Variants in DPP10 observed in about 807,000 individuals in gnomAD.
DPP10 encodes inactive dipeptidyl peptidase 10.
Under a neutral mutation model 120.9 loss-of-function variants are expected in DPP10, and 33 were observed. The ratio of observed to expected loss-of-function variants is 0.27; its 90% confidence interval spans 0.21 to 0.37. DPP10 has a LOEUF of 0.37. Among genes scored for constraint, DPP10 ranks in the 10% least tolerant of loss-of-function variants. The pLI is 1.00. For synonymous variants in DPP10, 337 were observed against 326.1 expected (o/e 1.03, Z -0.36); for missense variants, 816 against 942.8 (o/e 0.87, Z 1.76).
At chr2:115,334,558 T>C (rs1041554578) in intron 2 of DPP10, among the ~76,000 whole-genome samples, 1 of 151,894 alleles carries the variant, frequency 6.6e-6, no homozygotes, top group Non-Finnish European at 1.5e-5. Context: ...GAAAAGAGAC[T>C]TTTCTGTGAA....
chr2:115,071,007 G>A (rs1383180777), intron 1 of DPP10, among the ~76,000 whole-genome samples: 1 of 152,074 alleles, frequency 6.6e-6, no homozygotes, highest in African/African-American at 2.4e-5. Flanking sequence ...ATTTATGAAG[G>A]ACAAAAGGTT....
intron 3 of DPP10, among the ~76,000 whole-genome samples, chr2:115,473,431 G>A (rs752780677): frequency 6.6e-6 from 1 of 152,170 alleles, no homozygotes; most frequent in Non-Finnish European, 1.5e-5. Context: ...TAGTCAATGA[G>A]TGAGGGCTCC....
intron 1 of DPP10, among the ~76,000 whole-genome samples, chr2:115,034,990 T>A (rs1442866170): frequency 6.6e-6 from 1 of 152,228 alleles, no homozygotes; most frequent in African/African-American, 2.4e-5. Context: ...TTCATGTAAT[T>A]GTACCACGTA....
chr2:115,645,652 G>T (rs937281470), intron 5 of DPP10, among the ~76,000 whole-genome samples: 3 of 152,094 alleles, frequency 2.0e-5, no homozygotes, highest in African/African-American at 7.2e-5. Context: ...AAATTATGCT[G>T]TTCAGGGTGG....
chr2:114,694,140 C>A (rs1395297591), intron 1 of DPP10, among the ~76,000 whole-genome samples: 2 of 151,802 alleles, frequency 1.3e-5, no homozygotes, highest in Non-Finnish European at 1.5e-5. Context: ...GGAAAATTAC[C>A]TTTCTTTGAA....
intron 1 of DPP10, among the ~76,000 whole-genome samples, chr2:115,162,992 C>G (rs551951013): frequency 4.9e-4 from 75 of 151,988 alleles, no homozygotes; most frequent in Non-Finnish European, 9.3e-4. Context: ...TTAGGAACTC[C>G]GGGCAGAGAG....
intron 8 of DPP10, among the ~76,000 whole-genome samples, chr2:115,732,466 A>T (rs2092933645): frequency 1.3e-5 from 2 of 151,246 alleles, no homozygotes; most frequent in African/African-American, 4.9e-5. Flanking sequence ...CATTTTAAAC[A>T]GCGAAGTCAG....
chr2:115,533,971 C>A (rs1342877025), intron 5 of DPP10, among the ~76,000 whole-genome samples: 2 of 151,384 alleles, frequency 1.3e-5, no homozygotes. Flanking sequence ...AGGAGGTGGA[C>A]AAAAAGGAAG....
At chr2:114,825,244 A>G (rs1449795278) in intron 1 of DPP10, among the ~76,000 whole-genome samples, 2 of 152,212 alleles carry the variant, frequency 1.3e-5, no homozygotes, top group African/African-American at 4.8e-5. Context: ...TTAGTTTAAC[A>G]TTTAATATCT....
At chr2:115,777,636 C>G (rs1682273300) in intron 14 of DPP10, 151 bp from the exon 15 acceptor site, 8 of 815,590 alleles carry the variant, frequency 9.8e-6, no homozygotes, top group Non-Finnish European at 1.6e-5. Flanking sequence ...TGTATTTTGA[C>G]AGTTTTAAAA....
intron 5 of DPP10, among the ~76,000 whole-genome samples, chr2:115,655,076 G>T (rs1323426995): frequency 2.0e-5 from 3 of 151,474 alleles, no homozygotes; most frequent in Non-Finnish European, 3.0e-5. Flanking sequence ...ATGTTTCTTT[G>T]CAACTTCACC....
chr2:115,798,726 C>T (rs1423347310), intron 19 of DPP10, among the ~76,000 whole-genome samples: 3 of 152,020 alleles, frequency 2.0e-5, no homozygotes, highest in Non-Finnish European at 4.4e-5. Context: ...AAAACCACAA[C>T]CCAAATAATA....
chr2:114,936,012 T>C (rs990132400), intron 1 of DPP10, among the ~76,000 whole-genome samples: 9 of 152,026 alleles, frequency 5.9e-5, no homozygotes, highest in African/African-American at 1.9e-4. Context: ...TTTCAATAGG[T>C]TTTGGGGGAA....
chr2:114,544,819 T>G (rs2104827638), intron 1 of DPP10, among the ~76,000 whole-genome samples: 1 of 152,276 alleles, frequency 6.6e-6, no homozygotes, highest in South Asian at 2.1e-4. Flanking sequence ...ATGTATGGAT[T>G]ATGTAAATGT....
At chr2:115,799,500 T>A (rs1259039069) in intron 19 of DPP10, among the ~76,000 whole-genome samples, 4 of 151,970 alleles carry the variant, frequency 2.6e-5, no homozygotes, top group Non-Finnish European at 5.9e-5. Context: ...TTCTTACATA[T>A]GTATACATGT....
At chr2:114,842,756 A>G (rs1688257684) in intron 1 of DPP10, among the ~76,000 whole-genome samples, 1 of 152,186 alleles carries the variant, frequency 6.6e-6, no homozygotes, top group African/African-American at 2.4e-5. Context: ...GCATTATGGG[A>G]GACTGCTTAA....
chr2:114,924,845 A>C (rs532057066), intron 1 of DPP10, among the ~76,000 whole-genome samples: 1 of 152,242 alleles, frequency 6.6e-6, no homozygotes, highest in Non-Finnish European at 1.5e-5. Flanking sequence ...TTACAGGAGT[A>C]AAACTAATTG....
intron 1 of DPP10, among the ~76,000 whole-genome samples, chr2:114,568,169 T>C (rs1689353967): frequency 6.6e-6 from 1 of 152,128 alleles, no homozygotes; most frequent in African/African-American, 2.4e-5. Flanking sequence ...TAGTTTTTTT[T>C]CTTTTATTGA....
At chr2:115,550,979 A>G (rs1244190371) in intron 5 of DPP10, among the ~76,000 whole-genome samples, 6 of 152,276 alleles carry the variant, frequency 3.9e-5, no homozygotes, top group Non-Finnish European at 8.8e-5. Flanking sequence ...TCAATATTTA[A>G]AAATTGGGGA....
Sources: gnomAD v4.1 joint callset for allele counts (sites outside exome capture counted in the v4.1 genomes callset) on GRCh38, gnomAD v4.1.1 for gene constraint, MANE v1.5 for transcripts, NCBI Gene and HGNC (gene_info 2026-07-23, HGNC 2026-07-21) for gene names.